Variants in CCDC7 observed in about 807,000 individuals in gnomAD.
CCDC7 encodes the protein coiled-coil domain containing 7, also known as coiled-coil domain-containing protein 7.
A neutral mutation model predicts 196.9 loss-of-function variants in CCDC7; 183 were observed. The ratio of observed to expected loss-of-function variants is 0.93; its 90% confidence interval spans 0.82 to 1.05. CCDC7 has a LOEUF of 1.05. Among genes scored for constraint, CCDC7 ranks in the 50% least tolerant of loss-of-function variants. The pLI is 0.00. For synonymous variants in CCDC7, 525 were observed against 484.6 expected, an observed-to-expected ratio of 1.08 and a Z score of -1.10; for missense variants, 1,540 against 1,482.2, an observed-to-expected ratio of 1.04 and a Z score of -0.64.
intron 18 of CCDC7, among the ~76,000 whole-genome samples, chr10:32,609,689 T>C (rs1460175480): frequency 6.6e-6 from 1 of 152,172 alleles, no homozygotes; most frequent in Non-Finnish European, 1.5e-5. Context: ...GAGGTGACTG[T>C]ATAATGGGGC....
downstream of CCDC7, among the ~76,000 whole-genome samples, chr10:32,881,508 C>CT (rs991903381): frequency 5.9e-5 from 9 of 151,436 alleles, no homozygotes; most frequent in African/African-American, 2.2e-4. Flanking sequence ...AAGCCTGAAA[C>CT]TTTCATTTAT....
chr10:32,786,429 G>A (rs987840051), intron 29 of CCDC7, among the ~76,000 whole-genome samples: 11 of 152,304 alleles, frequency 7.2e-5, no homozygotes, highest in Admixed American at 6.5e-4. Context: ...CATTCCTGAG[G>A]AAGCTCATAC....
chr10:32,503,439 A>C (rs1047644564), intron 9 of CCDC7, among the ~76,000 whole-genome samples: 8 of 152,166 alleles, frequency 5.3e-5, no homozygotes, highest in Non-Finnish European at 1.2e-4. Context: ...GATGCCCAAC[A>C]TTTATTGATT....
At chr10:32,563,160 A>C (rs1292485137) in intron 13 of CCDC7, among the ~76,000 whole-genome samples, 3 of 152,114 alleles carry the variant, frequency 2.0e-5, no homozygotes, top group African/African-American at 7.2e-5. Context: ...GGATACAAAC[A>C]AATGGAAGAA....
chr10:32,750,295 A>G (rs2075455449), intron 28 of CCDC7, among the ~76,000 whole-genome samples: 1 of 152,196 alleles, frequency 6.6e-6, no homozygotes, highest in Non-Finnish European at 1.5e-5. Flanking sequence ...CTTGTTGGAA[A>G]AGAGATAGCA....
chr10:32,631,504 A>G (rs2064855036), intron 18 of CCDC7, among the ~76,000 whole-genome samples: 1 of 152,140 alleles, frequency 6.6e-6, no homozygotes, highest in African/African-American at 2.4e-5. Flanking sequence ...TATTGCATTT[A>G]TGTATATGCC....
At chr10:32,470,797 G>A (rs1203679790) in intron 5 of CCDC7, among the ~76,000 whole-genome samples, 2 of 151,996 alleles carry the variant, frequency 1.3e-5, no homozygotes, top group Non-Finnish European at 2.9e-5. Context: ...TATTGGACTT[G>A]CTTAAAATTC....
chr10:32,763,314 T>C (rs1272859920), intron 28 of CCDC7, among the ~76,000 whole-genome samples: 2 of 151,948 alleles, frequency 1.3e-5, no homozygotes, highest in African/African-American at 2.4e-5. Flanking sequence ...CCATGAGTTA[T>C]CATCACACAC....
intron 18 of CCDC7, among the ~76,000 whole-genome samples, chr10:32,584,752 C>CAAAAAAAAAAA (rs749922864): frequency 1.8e-5 from 1 of 56,334 alleles, no homozygotes; most frequent in East Asian, 6.4e-4. Context: ...CACTTCATCT[C>CAAAAAAAAAAA]AAAAAAAAAA....
rs113065634 is a variant in CCDC7, at chr10:32,480,135, A to G, written c.796+6112A>G. The stretch of plus-strand genomic sequence containing the variant: ...CTTGTCAATTATGTTTATCTTTTCA[A>G]AAACCAAATCTTAGTTTTGTTGAAC... On this transcript the variant is annotated intron_variant, in intron 8 of 41. Transcript: ENST00000639629. 5.9e-4 allele frequency among the ~76,000 whole-genome samples: 90 copies of G among 152,004 alleles called. 1 individual carries two copies. The highest frequency in any genetic ancestry group is 2.1e-3 in the African/African-American group (86 of 41,498).
chr10:32,682,132 A>G (rs1233318859), intron 21 of CCDC7, among the ~76,000 whole-genome samples: 1 of 152,156 alleles, frequency 6.6e-6, no homozygotes, highest in African/African-American at 2.4e-5. Context: ...GGTAGTGAGC[A>G]TAGTACCCAA....
chr10:32,712,560 C>G (rs2081004688), intron 25 of CCDC7, among the ~76,000 whole-genome samples: 2 of 152,140 alleles, frequency 1.3e-5, no homozygotes. Context: ...AATGCTTCTT[C>G]CAGGAGTGGA....
chr10:32,779,173 T>A (rs2080622406), intron 29 of CCDC7, 89 bp downstream of exon 30: 1 of 960,730 alleles, frequency 1.0e-6, no homozygotes, highest in Non-Finnish European at 1.5e-6. Flanking sequence ...AAACAGGAAA[T>A]TCAAAGAAGG....
At chr10:32,552,195 T>C (rs1410728517) in intron 13 of CCDC7, among the ~76,000 whole-genome samples, 2 of 152,224 alleles carry the variant, frequency 1.3e-5, no homozygotes, top group Non-Finnish European at 2.9e-5. Context: ...TAAAGTTTGT[T>C]TGTCTGATGT....
At chr10:32,596,845 A>T (rs1299819095) in intron 18 of CCDC7, among the ~76,000 whole-genome samples, 1 of 152,166 alleles carries the variant, frequency 6.6e-6, no homozygotes, top group Non-Finnish European at 1.5e-5. Flanking sequence ...AGAATGTTGA[A>T]TATTGGCCCC....
rs1339093024 is a variant in CCDC7, at chr10:32,828,495, G to GAAGAAGAAGA, written c.3268+3893_3268+3902dup. Among the ~76,000 whole-genome samples, 89 of 94,848 alleles carry GAAGAAGAAGA rather than the reference G, an allele frequency of 9.4e-4. 1 individual carries two copies. The highest frequency in any genetic ancestry group is 3.8e-3 in the African/African-American group (88 of 23,192). 62.2% of individuals were successfully genotyped at this position (94,848 alleles called of 152,430 possible). On this transcript the variant is annotated intron_variant, in intron 32 of 41. Coordinates refer to ENST00000639629, the Ensembl canonical transcript of CCDC7. Reference sequence around the variant, plus strand: ...AGAGGAAGAGGAAGAGGAAGAAGAAGAAGAAGAAGAAGAAGAAGAAGAAGA... The same window carrying GAAGAAGAAGA: ...AGAGGAAGAGGAAGAGGAAGAAGAAGAAGAAGAAGAAAGAAGAAGAAGAAGAAGAAGAAGA...
intron 29 of CCDC7, among the ~76,000 whole-genome samples, chr10:32,792,075 A>T (rs983748171): frequency 1.3e-5 from 2 of 152,212 alleles, no homozygotes; most frequent in African/African-American, 4.8e-5. Context: ...AAGAAAAAAA[A>T]AATTAGTCAA....
intron 18 of CCDC7, among the ~76,000 whole-genome samples, chr10:32,619,145 A>G (rs1554906952): frequency 1.3e-5 from 2 of 152,000 alleles, no homozygotes; most frequent in Non-Finnish European, 1.5e-5. Flanking sequence ...AAAGACAGTA[A>G]TCTTATTTTG....
intron 21 of CCDC7, among the ~76,000 whole-genome samples, chr10:32,672,919 T>A (rs188337159): frequency 8.5e-5 from 13 of 152,312 alleles, no homozygotes; most frequent in Admixed American, 3.3e-4. Context: ...TCCTCTGCCA[T>A]CTTGGTGCTT....
Sources: gnomAD v4.1 joint callset for allele counts (sites outside exome capture counted in the v4.1 genomes callset) on GRCh38, gnomAD v4.1.1 for gene constraint, MANE v1.5 for transcripts, NCBI Gene and HGNC (gene_info 2026-07-23, HGNC 2026-07-21) for gene names.